The following FAH variants were observed in gnomAD, a reference collection of about 807,000 sequenced individuals.
The protein encoded by FAH is fumarylacetoacetate hydrolase.
A neutral mutation model predicts 55.8 loss-of-function variants in FAH; 47 were observed. The observed-to-expected ratio is 0.84, with a 90% CI of 0.67 to 1.07. The LOEUF is 1.07. Among genes scored for constraint, FAH ranks in the 50% least tolerant of loss-of-function variants. The probability of loss-of-function intolerance (pLI) is 0.00; values close to 1 mark genes in which losing one functional copy is unlikely to be tolerated. For synonymous variants in FAH, 199 were observed against 207.7 expected (o/e 0.96, Z 0.36); for missense variants, 495 against 545.9 (o/e 0.91, Z 0.93).
intron 13 of FAH, 126 bp from the exon 14 acceptor site, chr15:80,186,004 G>C: frequency 1.3e-6 from 1 of 777,076 alleles, no homozygotes; most frequent in Non-Finnish European, 2.3e-6. Flanking sequence ...AGATATGTGT[G>C]TGTGATTCTG....
At chr15:80,160,329 G>A in intron 3 of FAH, 81 bp from the exon 4 acceptor site, 1 of 1,389,190 alleles carries the variant, frequency 7.2e-7, no homozygotes, top group Non-Finnish European at 1.0e-6. Context: ...GATAATCTTG[G>A]GGATGGTCTG....
intron 5 of FAH, among the ~76,000 whole-genome samples, chr15:80,165,096 A>G (rs2142095713): frequency 6.6e-6 from 1 of 152,348 alleles, no homozygotes; most frequent in East Asian, 1.9e-4. Flanking sequence ...AAGATACAAA[A>G]ATACAGTACA....
rs151221329 is a variant in FAH at position 80,172,187 on chromosome 15, G to T, written c.645G>T (p.Pro215=). Residue 215 remains proline (P), a synonymous_variant, in exon 8 of 14, where the codon CCG becomes CCT. Coordinates refer to ENST00000561421, the MANE Select transcript of FAH (RefSeq NM_000137.4). ...FVGPGNRLGE[P]IPISKAHEHI... is the part of the protein sequence containing the mutation. ...GCCCTGGAAACAGATTGGGAGAGCC[G>T]ATCCCCATTTCCAAGGCCCATGAGC... 1.1e-5 allele frequency: 17 copies of T among 1,614,070 alleles called. No individual in the cohort carries two copies. Among genetic ancestry groups the T allele is most frequent in the Non-Finnish European group, 1.4e-5 (17 of 1,179,958 alleles).
At chr15:80,154,951 G>A (rs906516444) in intron 1 of FAH, among the ~76,000 whole-genome samples, 2 of 152,210 alleles carry the variant, frequency 1.3e-5, no homozygotes. Flanking sequence ...GTCTGGCTGT[G>A]CTGCTGCCTC....
In FAH at chr15:80,181,131, G is replaced by T. The variant is rs886051497; in HGVS notation, c.1152G>T (p.Leu384=). 6.2e-6 allele frequency: 10 copies of T among 1,613,644 alleles called. No homozygotes were observed. The highest frequency in any genetic ancestry group is 8.5e-6 in the Non-Finnish European group (10 of 1,179,626). ...DLGNGQTRKF[L]LDGDEVIITG... is the part of the protein sequence containing the mutation. Reference sequence around the variant, plus strand: ...GGAATGGTCAGACCAGGAAGTTTCTGCTGGACGGGGATGAAGTCATCATAA... The same window carrying T: ...GGAATGGTCAGACCAGGAAGTTTCTTCTGGACGGGGATGAAGTCATCATAA... Residue 384 remains leucine (L), a synonymous_variant, in exon 13 of 14, where the codon CTG becomes CTT. Transcript: ENST00000561421.
intron 13 of FAH, among the ~76,000 whole-genome samples, chr15:80,181,714 G>T (rs2041332560): frequency 6.6e-6 from 1 of 152,094 alleles, no homozygotes; most frequent in Non-Finnish European, 1.5e-5. Flanking sequence ...AAGTTATTTA[G>T]CCTTTCTGAG....
intron 1 of FAH, chr15:80,155,968 A>G: frequency 2.1e-6 from 1 of 476,626 alleles, no homozygotes. Context: ...AAAGTGGACA[A>G]GGAGCGTGAC....
Position 80,173,145 on chromosome 15 carries a change from G to C in FAH, c.837+1G>C. The C allele has an allele frequency of 6.2e-7, 1 of 1,614,212 alleles. No homozygotes were observed. The highest frequency in any genetic ancestry group is 1.3e-5 in the African/African-American group (1 of 75,056). ...CTTTGCTGTGCCCAACCCGAAGCAG[G>C]TAAGCACATTCTCTGCAGGAAGCTC... On this transcript the variant is annotated splice_donor_variant, in intron 9 of 13. Transcript: ENST00000561421. LOFTEE classifies it high-confidence loss of function.
At chr15:80,169,165 C>A (rs916084761) in intron 7 of FAH, among the ~76,000 whole-genome samples, 2 of 152,078 alleles carry the variant, frequency 1.3e-5, no homozygotes, top group African/African-American at 4.8e-5. Flanking sequence ...GATGGATCAC[C>A]TGAGGTCAGG....
At position 80,186,113 on chromosome 15, in the gene FAH, G is replaced by T. The variant is rs376466730; in HGVS notation, c.1181-17G>T. ...CCCAGCAACTTTGTGACTGATCCTT[G>T]TCCTCCTCTGTTCCAGGGTACTGCC... On this transcript the variant is annotated splice_polypyrimidine_tract_variant and intron_variant, in intron 13 of 13. Coordinates refer to ENST00000561421, the MANE Select transcript of FAH (RefSeq NM_000137.4). The T allele has an allele frequency of 3.4e-5, 55 of 1,612,576 alleles. No individual in the cohort carries two copies. The African/African-American group carries it at 7.1e-4, about 21-fold the overall frequency.
chr15:80,167,869 A>G (rs1158519683), intron 5 of FAH, among the ~76,000 whole-genome samples, 183 bp from the exon 6 acceptor site: 2 of 152,036 alleles, frequency 1.3e-5, no homozygotes, highest in African/African-American at 4.8e-5. Flanking sequence ...ATAATATTCC[A>G]CTGTATGTAT....
intron 6 of FAH, 49 bp downstream of exon 6, chr15:80,168,198 C>G: frequency 6.2e-7 from 1 of 1,609,836 alleles, no homozygotes; most frequent in South Asian, 1.1e-5. Flanking sequence ...CTCTCTGTTC[C>G]CACACAGAGA....
intron 6 of FAH, 38 bp downstream of exon 6, chr15:80,168,187 G>A (rs765205226): frequency 1.2e-6 from 2 of 1,610,168 alleles, no homozygotes; most frequent in Non-Finnish European, 1.7e-6. Context: ...CTGGTACCCA[G>A]CTCTCTGTTC....
intron 9 of FAH, chr15:80,173,462 C>T (rs1222099856): frequency 4.3e-6 from 2 of 460,384 alleles, no homozygotes; most frequent in East Asian, 4.5e-5. Context: ...CAACATTGCA[C>T]AACCTCCCAG....
chr15:80,180,126 C>T lies in FAH; in HGVS notation c.963C>T (p.Tyr321=). 2 of 1,606,692 alleles carry T rather than the reference C, an allele frequency of 1.2e-6. No homozygotes were observed. Among genetic ancestry groups the T allele is most frequent in the East Asian group, 2.2e-5 (1 of 44,814 alleles). ...AATICKSNFK[Y]MYWTMLQQLT... is the part of the protein sequence containing the mutation. ...CACCTCGCGTCCATTGCCTGCAGTACATGTACTGGACGATGCTGCAGCAGC... is the reference window on the plus strand; with the variant it reads ...CACCTCGCGTCCATTGCCTGCAGTATATGTACTGGACGATGCTGCAGCAGC... The change falls in exon 12 of 14, where the codon TAC becomes TAT. Residue 321 remains tyrosine (Y), a splice_region_variant and synonymous_variant. Coordinates refer to ENST00000561421, the MANE Select transcript of FAH (RefSeq NM_000137.4).
intron 11 of FAH, among the ~76,000 whole-genome samples, chr15:80,177,850 C>T (rs1157564896): frequency 6.6e-6 from 1 of 152,188 alleles, no homozygotes; most frequent in Non-Finnish European, 1.5e-5. Flanking sequence ...TTATCCTGTC[C>T]TGCCAGGGGC....
chr15:80,168,337 A>G, intron 7 of FAH, 21 bp downstream of exon 7: 1 of 1,608,150 alleles, frequency 6.2e-7, no homozygotes, highest in Non-Finnish European at 8.5e-7. Flanking sequence ...TTGATGTTTT[A>G]TTGCCATGGG....
Position 80,162,255 on chromosome 15 carries a change from C to T in FAH, c.374C>T (p.Thr125Ile), listed in dbSNP as rs777702711. ...MHLPATIGDY[T>I]DFYSSRQHAT... ...GGTCTTTCCTCTGCAGGAGACTACA[C>T]AGACTTCTATTCCTCTCGGCAGCAT... Residue 125 changes from threonine (T) to isoleucine (I), a missense_variant, in exon 5 of 14, where the codon ACA becomes ATA. Physicochemically the swap from Thr to Ile is moderately conservative, Grantham distance 89. Coordinates refer to ENST00000561421, the MANE Select transcript of FAH (RefSeq NM_000137.4). 7.4e-6 allele frequency: 12 copies of T among 1,613,990 alleles called. No homozygotes were observed. The highest frequency in any genetic ancestry group is 6.8e-6 in the Non-Finnish European group (8 of 1,179,940).
At chr15:80,185,366 A>C (rs1189440770) in intron 13 of FAH, among the ~76,000 whole-genome samples, 3 of 152,214 alleles carry the variant, frequency 2.0e-5, no homozygotes, top group Non-Finnish European at 4.4e-5. Context: ...ACAGATGAAG[A>C]AACTGAGGTC....
Sources: allele counts gnomAD v4.1 joint callset (sites outside exome capture counted in the v4.1 genomes callset), GRCh38; gene constraint gnomAD v4.1.1; transcripts MANE v1.5; gene names NCBI Gene and HGNC (gene_info 2026-07-23, HGNC 2026-07-21).